DCLK1: variants seen among roughly 807,000 people sequenced by gnomAD.
DCLK1 encodes serine/threonine-protein kinase DCLK1.
DCLK1 carries 16 observed loss-of-function variants against 86.2 expected under a neutral mutation model. That is an observed-to-expected ratio of 0.19 (90% CI 0.13 to 0.28). DCLK1 has a LOEUF of 0.28. Among genes scored for constraint, DCLK1 ranks in the 10% least tolerant of loss-of-function variants. The probability of loss-of-function intolerance (pLI) is 1.00; values close to 1 mark genes in which losing one functional copy is unlikely to be tolerated. For synonymous variants in DCLK1, 369 were observed against 370.5 expected (o/e 1.00, Z 0.05); for missense variants, 590 against 940.2 (o/e 0.63, Z 4.87).
intron 3 of DCLK1, among the ~76,000 whole-genome samples, chr13:35,988,608 T>G (rs942568399): frequency 1.3e-5 from 2 of 152,248 alleles, no homozygotes; most frequent in African/African-American, 4.8e-5. Context: ...CCCCACTGCA[T>G]GCAGATGGCT....
At chr13:35,831,369 A>G (rs1275822572) in intron 8 of DCLK1, among the ~76,000 whole-genome samples, 1 of 152,252 alleles carries the variant, frequency 6.6e-6, no homozygotes, top group Admixed American at 6.5e-5. Flanking sequence ...AGTGTGCCTG[A>G]AAACAGGTGT....
At chr13:36,015,004 TTCTCTCTCTC>T (rs60179491) in intron 3 of DCLK1, among the ~76,000 whole-genome samples, 3 of 144,264 alleles carry the variant, frequency 2.1e-5, no homozygotes, top group Admixed American at 6.9e-5. Context: ...CTCTCTCTCT[TTCTCTCTCTC>T]TCTCTCTCTC....
intron 3 of DCLK1, among the ~76,000 whole-genome samples, chr13:36,039,030 C>T (rs1327367191): frequency 5.9e-5 from 9 of 152,178 alleles, no homozygotes; most frequent in Non-Finnish European, 5.9e-5. Context: ...AGTAGTCATT[C>T]GTCAGGCGCC....
chr13:35,919,901 C>CGGG (rs948571914), intron 4 of DCLK1, among the ~76,000 whole-genome samples: 1 of 17,428 alleles, frequency 5.7e-5, no homozygotes, highest in Non-Finnish European at 1.2e-4. Context: ...AGCACTCTTG[C>CGGG]GGGGGGGTGG....
intron 4 of DCLK1, among the ~76,000 whole-genome samples, chr13:35,903,497 T>C (rs963570005): frequency 3.3e-5 from 5 of 152,206 alleles, no homozygotes; most frequent in African/African-American, 1.2e-4. Flanking sequence ...ATAAATGTCT[T>C]GATCAAATTA....
At chr13:35,785,877 G>A (rs1042284978) in intron 16 of DCLK1, among the ~76,000 whole-genome samples, 9 of 152,192 alleles carry the variant, frequency 5.9e-5, no homozygotes, top group African/African-American at 1.2e-4. Context: ...TAAGGAGAGC[G>A]TGTACGTTCT....
At chr13:36,126,649 G>A (rs973599187) in intron 1 of DCLK1, among the ~76,000 whole-genome samples, 2 of 152,138 alleles carry the variant, frequency 1.3e-5, no homozygotes, top group African/African-American at 4.8e-5. Context: ...GTTATCAAGT[G>A]GGACAGAAAG....
At chr13:35,893,365 T>A (rs763574515) in intron 4 of DCLK1, among the ~76,000 whole-genome samples, 12 of 152,194 alleles carry the variant, frequency 7.9e-5, no homozygotes, top group Admixed American at 2.0e-4. Flanking sequence ...CCCGTTTCTA[T>A]CCTTAAAGAA....
intron 4 of DCLK1, among the ~76,000 whole-genome samples, chr13:35,917,034 A>G (rs548864293): frequency 1.2e-4 from 18 of 152,334 alleles, no homozygotes; most frequent in Non-Finnish European, 2.1e-4. Context: ...GCCACAGAGA[A>G]GAATCTGAAC....
intron 4 of DCLK1, among the ~76,000 whole-genome samples, chr13:35,898,375 A>G (rs2153121454): frequency 6.6e-6 from 1 of 152,358 alleles, no homozygotes; most frequent in East Asian, 1.9e-4. Flanking sequence ...AAAGATATTT[A>G]ATGAAGTCTT....
At chr13:36,073,359 C>T (rs1884050110) in intron 3 of DCLK1, among the ~76,000 whole-genome samples, 1 of 152,108 alleles carries the variant, frequency 6.6e-6, no homozygotes, top group South Asian at 2.1e-4. Context: ...CCTAAGTAAA[C>T]ATTTCACATA....
intron 4 of DCLK1, among the ~76,000 whole-genome samples, chr13:35,889,777 C>T (rs1021226782): frequency 7.9e-5 from 12 of 152,026 alleles, no homozygotes; most frequent in Admixed American, 6.6e-4. Flanking sequence ...ACTGCTTTCT[C>T]CCAAATATTT....
chr13:35,860,612 C>G (rs1871326185), intron 5 of DCLK1, among the ~76,000 whole-genome samples: 1 of 152,152 alleles, frequency 6.6e-6, no homozygotes, highest in South Asian at 2.1e-4. Context: ...TACAAAGGCT[C>G]CAAACCTCAG....
chr13:36,068,657 CT>C (rs763137002), intron 3 of DCLK1, among the ~76,000 whole-genome samples: 1 of 151,988 alleles, frequency 6.6e-6, no homozygotes, highest in South Asian at 2.1e-4. Flanking sequence ...TTGAAAAATA[CT>C]TCTCATGACC....
At chr13:36,064,236 G>A (rs1330015827) in intron 3 of DCLK1, among the ~76,000 whole-genome samples, 1 of 152,208 alleles carries the variant, frequency 6.6e-6, no homozygotes, top group Non-Finnish European at 1.5e-5. Context: ...AGGCATCACT[G>A]AATACACTGC....
chr13:35,871,352 A>G lies in DCLK1; in HGVS notation c.824-12T>C. ...TACCACTCGACATTCTGGGGAAAGAACAAAAACCACACATCATTATGGGGT... is the reference window on the plus strand; with the variant it reads ...TACCACTCGACATTCTGGGGAAAGAGCAAAAACCACACATCATTATGGGGT... On this transcript the variant is annotated splice_polypyrimidine_tract_variant and intron_variant, in intron 4 of 16. Transcript: ENST00000360631. The G allele has an allele frequency of 6.2e-7, 1 of 1,600,736 alleles. No individual in the cohort carries two copies. The highest frequency in any genetic ancestry group is 8.6e-7 in the Non-Finnish European group (1 of 1,168,038).
chr13:35,969,257 T>C (rs546181124), intron 3 of DCLK1, among the ~76,000 whole-genome samples: 22 of 152,284 alleles, frequency 1.4e-4, no homozygotes, highest in African/African-American at 4.6e-4. Context: ...TACCTGCAGA[T>C]GTGACCTTAT....
intron 15 of DCLK1, among the ~76,000 whole-genome samples, chr13:35,794,679 C>T (rs986681225): frequency 5.9e-5 from 9 of 152,236 alleles, no homozygotes; most frequent in Non-Finnish European, 1.0e-4. Flanking sequence ...AGACCCTCTG[C>T]TCCATTTCTT....
intron 15 of DCLK1, 191 bp downstream of exon 15, chr13:35,805,508 A>C (rs1258970455): frequency 9.8e-6 from 5 of 508,704 alleles, no homozygotes; most frequent in Non-Finnish European, 1.7e-5. Context: ...CATGTTGCCC[A>C]AGCTGTCCTC....
Sources: allele counts gnomAD v4.1 joint callset (sites outside exome capture counted in the v4.1 genomes callset), GRCh38; gene constraint gnomAD v4.1.1; transcripts MANE v1.5; gene names NCBI Gene and HGNC (gene_info 2026-07-23, HGNC 2026-07-21).